PIAS2: variants seen among roughly 807,000 people sequenced by gnomAD.
PIAS2 encodes the protein E3 SUMO-protein ligase PIAS2.
In PIAS2, 19 loss-of-function variants were observed where a neutral mutation model predicts 69.7. The observed-to-expected ratio is 0.27, with a 90% CI of 0.19 to 0.40. PIAS2 has a LOEUF of 0.40. Ranked by LOEUF, PIAS2 falls within the 10% of genes least tolerant of loss-of-function variation. The probability of loss-of-function intolerance (pLI) is 1.00; values close to 1 mark genes in which losing one functional copy is unlikely to be tolerated. For synonymous variants in PIAS2, 261 were observed against 263.2 expected (o/e 0.99, Z 0.08); for missense variants, 624 against 757.0 (o/e 0.82, Z 2.06).
chr18:46,919,007 A>ATG (rs112427539), upstream of PIAS2, among the ~76,000 whole-genome samples: 5,975 of 143,222 alleles, frequency 0.042, 145 homozygotes, highest in African/African-American at 0.063. Context: ...ATATATATAT[A>ATG]TGTGTGTGTG....
chr18:46,879,704 C>T (rs889387579), intron 2 of PIAS2, among the ~76,000 whole-genome samples: 2 of 151,968 alleles, frequency 1.3e-5, no homozygotes, highest in South Asian at 4.2e-4. Context: ...TGTATACATA[C>T]AATAGAATAT....
At chr18:46,847,905 A>G (rs918718194) in intron 5 of PIAS2, among the ~76,000 whole-genome samples, 4 of 152,282 alleles carry the variant, frequency 2.6e-5, no homozygotes, top group East Asian at 1.9e-4. Context: ...GAAAATTAAA[A>G]TGTCTTAGCT....
intron 1 of PIAS2, among the ~76,000 whole-genome samples, chr18:46,898,603 AAG>A (rs1264966024): frequency 6.6e-6 from 1 of 152,248 alleles, no homozygotes; most frequent in African/African-American, 2.4e-5. Context: ...ATGGCTGAAA[AAG>A]AGTATTAAAA....
intron 6 of PIAS2, among the ~76,000 whole-genome samples, chr18:46,845,711 G>A (rs1054240078): frequency 6.6e-6 from 1 of 150,856 alleles, no homozygotes; most frequent in Non-Finnish European, 1.5e-5. Context: ...ACTTTTAATA[G>A]CTGCCAAACC....
chr18:46,900,266 G>A (rs1279794121), intron 1 of PIAS2, among the ~76,000 whole-genome samples: 1 of 151,960 alleles, frequency 6.6e-6, no homozygotes, highest in African/African-American at 2.4e-5. Context: ...GGGAGGCTGA[G>A]ACAGGAGAAT....
At chr18:46,882,271 G>C (rs1422800606) in intron 2 of PIAS2, among the ~76,000 whole-genome samples, 1 of 152,026 alleles carries the variant, frequency 6.6e-6, no homozygotes. Flanking sequence ...AAAGCTTAAT[G>C]AGTGTGTCCT....
chr18:46,920,125 T>C, upstream of PIAS2: 1 of 1,285,132 alleles, frequency 7.8e-7, no homozygotes, highest in Non-Finnish European at 1.0e-6. Context: ...TAGCAGCTCC[T>C]GGATGGGTTG....
intron 9 of PIAS2, among the ~76,000 whole-genome samples, chr18:46,830,291 A>G (rs973965508): frequency 1.3e-5 from 2 of 152,156 alleles, no homozygotes; most frequent in African/African-American, 2.4e-5. Context: ...AGGGAAGAAA[A>G]GGGAAATAAA....
upstream of PIAS2, chr18:46,917,728 T>C (rs570981857): frequency 4.0e-6 from 1 of 247,480 alleles, no homozygotes; most frequent in Non-Finnish European, 6.5e-6. Flanking sequence ...TAGAGCTGGG[T>C]CGCAACTGAG....
intron 1 of PIAS2, among the ~76,000 whole-genome samples, chr18:46,913,383 G>T (rs1018182708): frequency 6.6e-6 from 1 of 152,104 alleles, no homozygotes; most frequent in African/African-American, 2.4e-5. Context: ...AATTTACCCA[G>T]TTTGGTAAAT....
At chr18:46,820,381 T>C (rs372716777) in intron 12 of PIAS2, among the ~76,000 whole-genome samples, 7 of 152,260 alleles carry the variant, frequency 4.6e-5, no homozygotes, top group African/African-American at 1.7e-4. Flanking sequence ...TTCTGTAATA[T>C]CTGTGGTTTC....
Position 46,864,165 on chromosome 18 carries a change from TG to T in PIAS2, c.582del (p.Arg195GlyfsTer17). On this transcript the variant is annotated frameshift_variant and splice_region_variant, in exon 3 of 14. Transcript: ENST00000585916. LOFTEE classifies it high-confidence loss of function. ...ATATATTCCAAATATTCCTCTTACC[TG>T]GATATGCATATCTCTCTAACTTGTT... The part of the protein sequence containing the change: ...TPQQVREICI[S>X]RDFLPGGRRD... 6.6e-7 allele frequency: 1 copy of T among 1,517,512 alleles called. No homozygotes were observed. Among genetic ancestry groups the T allele is most frequent in the Non-Finnish European group, 9.0e-7 (1 of 1,111,042 alleles). 94.0% of individuals were successfully genotyped at this position (1,517,512 alleles called of 1,614,324 possible). A position where few individuals can be genotyped will look rare whatever the true frequency, so the allele number is the denominator to read the frequency against.
chr18:46,917,168 C>G lies in PIAS2; in HGVS notation c.24+154G>C, dbSNP rs563812243. The G allele has an allele frequency of 6.5e-4, 739 of 1,129,286 alleles. 4 individuals are homozygous for G. In the African/African-American group the frequency reaches 0.011, roughly 16 times the overall value. The allele number at this position is 1,129,286 out of a possible 1,614,324, so 70.0% of individuals were successfully genotyped here. ...CCTCCGCCGGCCCGCTCCCCTCCCC[C>G]GCGCCCTCGGCGCCCGTTCGTCCGC... On this transcript the variant is annotated intron_variant, in intron 1 of 13. Transcript: ENST00000585916.
At position 46,844,756 on chromosome 18, in the gene PIAS2, G is replaced by A; in HGVS notation, c.945C>T (p.Asn315=). The A allele has an allele frequency of 6.9e-7, 1 of 1,446,064 alleles. No individual in the cohort carries two copies. The highest frequency in any genetic ancestry group is 9.2e-7 in the Non-Finnish European group (1 of 1,087,950). The allele number at this position is 1,446,064 out of a possible 1,614,324, so 89.6% of individuals were successfully genotyped here. A position where few individuals can be genotyped will look rare whatever the true frequency, so the allele number is the denominator to read the frequency against. Residue 315 remains asparagine, a synonymous_variant, in exon 7 of 14, where the codon AAC becomes AAT. Coordinates refer to ENST00000585916, the MANE Select transcript of PIAS2 (RefSeq NM_004671.5). The part of the protein sequence containing the change: ...LQRLKMKGIR[N]PDHSRALIKE... ...TACTTAGTGCTCTGGAATGATCAGG[G>A]TTTCTAATACCTTTCATTTTTAATC...
chr18:46,844,867 TA>T, intron 6 of PIAS2, 28 bp from the exon 7 acceptor site: 1 of 897,286 alleles, frequency 1.1e-6, no homozygotes. Context: ...AAACCTGCAT[TA>T]AAGATGAGAG....
chr18:46,916,102 T>G (rs1055110988), intron 1 of PIAS2, among the ~76,000 whole-genome samples: 1 of 152,196 alleles, frequency 6.6e-6, no homozygotes, highest in Non-Finnish European at 1.5e-5. Flanking sequence ...ATGTGTTTAC[T>G]GGGAACTTAA....
chr18:46,881,383 A>G lies in PIAS2; in HGVS notation c.499+9197T>C, dbSNP rs886537354. The stretch of plus-strand genomic sequence containing the variant: ...AAATTAGAAAAACTTTGGTGTATGT[A>G]ATGGGATTATAATTTAAAGCAGTGA... On this transcript the variant is annotated intron_variant, in intron 2 of 13. Transcript: ENST00000585916. Among the ~76,000 whole-genome samples, 10 of 152,326 alleles carry G rather than the reference A, an allele frequency of 6.6e-5. No homozygotes were observed. In the South Asian group the frequency reaches 1.0e-3, roughly 16 times the overall value.
chr18:46,908,134 T>C (rs2056847675), intron 1 of PIAS2: 1 of 152,160 alleles, frequency 6.6e-6, no homozygotes, highest in South Asian at 2.1e-4. Context: ...TTTGGTTTTT[T>C]ATTATAAAAA....
At chr18:46,918,051 AGAGTTGG>A (rs1284788427), upstream of PIAS2, 2 of 151,598 alleles carry the variant, frequency 1.3e-5, no homozygotes, top group African/African-American at 4.9e-5. Context: ...CACGGACTGC[AGAGTTGG>A]GAGAGTTAGG....
Sources: allele counts gnomAD v4.1 joint callset (sites outside exome capture counted in the v4.1 genomes callset), GRCh38; gene constraint gnomAD v4.1.1; transcripts MANE v1.5; gene names NCBI Gene and HGNC (gene_info 2026-07-23, HGNC 2026-07-21).